SLC5A8: variants seen among roughly 807,000 people sequenced by gnomAD.
SLC5A8 encodes sodium-coupled monocarboxylate transporter 1.
In SLC5A8, 55 loss-of-function variants were observed where a neutral mutation model predicts 71.9. The observed-to-expected ratio is 0.77, with a 90% CI of 0.62 to 0.96. SLC5A8 has a LOEUF of 0.96. Ranked by LOEUF, SLC5A8 falls within the 40% of genes least tolerant of loss-of-function variation. The pLI is 0.00. For missense variants in SLC5A8, 701 were observed against 745.3 expected (o/e 0.94, Z 0.69); for synonymous variants, 307 against 276.1 (o/e 1.11, Z -1.11).
At chr12:101,179,639 G>A (rs544897037) in intron 10 of SLC5A8, among the ~76,000 whole-genome samples, 1 of 152,248 alleles carries the variant, frequency 6.6e-6, no homozygotes, top group Admixed American at 6.5e-5. Flanking sequence ...AGGGAGTAGG[G>A]GCAGAAGGGA....
intron 1 of SLC5A8, 151 bp downstream of exon 1, chr12:101,209,347 G>A (rs1431026011): frequency 6.3e-6 from 4 of 636,278 alleles, no homozygotes; most frequent in African/African-American, 5.5e-5. Flanking sequence ...ATCGGGGGAC[G>A]GGGAGGAGTG....
intron 10 of SLC5A8, among the ~76,000 whole-genome samples, chr12:101,173,508 CA>C (rs1206744779): frequency 1.3e-5 from 2 of 152,178 alleles, no homozygotes; most frequent in Non-Finnish European, 2.9e-5. Flanking sequence ...CTGGATCGAC[CA>C]GGCAGAATGA....
At chr12:101,176,689 A>G (rs182738050) in intron 10 of SLC5A8, among the ~76,000 whole-genome samples, 338 of 152,208 alleles carry the variant, frequency 2.2e-3, no homozygotes, top group Non-Finnish European at 3.6e-3. Flanking sequence ...TAAATAATCC[A>G]TAAATCAAAA....
At chr12:101,174,182 T>A (rs990443628) in intron 10 of SLC5A8, among the ~76,000 whole-genome samples, 2 of 152,202 alleles carry the variant, frequency 1.3e-5, no homozygotes, top group Admixed American at 6.5e-5. Context: ...GTGCCATTAC[T>A]TACTTGCTCA....
At chr12:101,177,310 G>T (rs1168779202) in intron 10 of SLC5A8, among the ~76,000 whole-genome samples, 1 of 151,896 alleles carries the variant, frequency 6.6e-6, no homozygotes, top group Admixed American at 6.6e-5. Context: ...TTTCCCTAGA[G>T]AATTCTACCA....
intron 1 of SLC5A8, 111 bp downstream of exon 1, chr12:101,209,387 G>T: frequency 2.6e-6 from 2 of 759,696 alleles, no homozygotes; most frequent in Non-Finnish European, 2.1e-6. Context: ...GATGGACGGG[G>T]AGAGATTTCG....
In SLC5A8 at chr12:101,190,504, C is replaced by T; in HGVS notation, c.797G>A (p.Arg266Lys). ...GAATCTGCTTTTACAAGAAATATATCTCTGCACCTGGGATTGGTTGACACC... is the reference window on the plus strand; with the variant it reads ...GAATCTGCTTTTACAAGAAATATATTTCTGCACCTGGGATTGGTTGACACC... ...IYGVNQSQVQ[R>K]YISCKSRFQA... Residue 266 changes from arginine (R) to lysine (K), a missense_variant, in exon 6 of 15, where the codon AGA becomes AAA. Physicochemically the swap from Arg to Lys is conservative, Grantham distance 26. Coordinates refer to ENST00000536262, the MANE Select transcript of SLC5A8 (RefSeq NM_145913.5). The T allele has an allele frequency of 1.9e-6, 3 of 1,613,308 alleles. No individual in the cohort carries two copies. The highest frequency in any genetic ancestry group is 2.5e-6 in the Non-Finnish European group (3 of 1,179,756).
chr12:101,209,690 G>T lies in SLC5A8; in HGVS notation c.159C>A (p.Thr53=), dbSNP rs371044625. The change falls in exon 1 of 15, where the codon ACC becomes ACA. Residue 53 remains threonine, a synonymous_variant. Coordinates refer to ENST00000536262, the MANE Select transcript of SLC5A8 (RefSeq NM_145913.5). ...TGAGGGACAGCGCCACGGGCACTGC[G>T]GTCATTCTGCGGCCGCCCATCAGGA... ...KDFLMGGRRM[T]AVPVALSLTA... The T allele has an allele frequency of 1.2e-5, 20 of 1,613,442 alleles. No individual in the cohort carries two copies. Among genetic ancestry groups the T allele is most frequent in the Non-Finnish European group, 1.6e-5 (19 of 1,180,048 alleles).
chr12:101,161,937 G>C (rs751804733), intron 13 of SLC5A8, 37 bp downstream of exon 13: 3 of 1,383,012 alleles, frequency 2.2e-6, no homozygotes, highest in South Asian at 1.2e-5. Flanking sequence ...AACTGATATA[G>C]AGGTAAATAC....
intron 13 of SLC5A8, among the ~76,000 whole-genome samples, chr12:101,161,719 G>C (rs1478200904): frequency 6.6e-6 from 1 of 152,154 alleles, no homozygotes; most frequent in African/African-American, 2.4e-5. Flanking sequence ...TTATACATAA[G>C]AAAGCTGAGG....
At chr12:101,201,504 T>C (rs1417164352) in intron 3 of SLC5A8, among the ~76,000 whole-genome samples, 2 of 152,216 alleles carry the variant, frequency 1.3e-5, no homozygotes, top group Non-Finnish European at 2.9e-5. Flanking sequence ...TCAAAGGGCA[T>C]GGTGTTTCCC....
chr12:101,167,046 C>T (rs1339849019), intron 11 of SLC5A8, among the ~76,000 whole-genome samples: 6 of 151,860 alleles, frequency 4.0e-5, no homozygotes, highest in African/African-American at 1.2e-4. Context: ...CTTCCGTTAC[C>T]GCCCCCAGAA....
At chr12:101,174,225 T>C (rs538534453) in intron 10 of SLC5A8, among the ~76,000 whole-genome samples, 1 of 152,310 alleles carries the variant, frequency 6.6e-6, no homozygotes, top group South Asian at 2.1e-4. Flanking sequence ...CCAGTTGTGT[T>C]CAGAGGTTGT....
At chr12:101,174,740 A>C (rs2051863404) in intron 10 of SLC5A8, among the ~76,000 whole-genome samples, 1 of 152,112 alleles carries the variant, frequency 6.6e-6, no homozygotes, top group South Asian at 2.1e-4. Flanking sequence ...AGTATTCTAC[A>C]CACCCCTATC....
chr12:101,201,734 G>T (rs1421378693), intron 3 of SLC5A8, among the ~76,000 whole-genome samples: 4 of 152,116 alleles, frequency 2.6e-5, no homozygotes, highest in Admixed American at 6.6e-5. Context: ...TTCATTTTGG[G>T]CCTTATTAGA....
Position 101,157,058 on chromosome 12 carries a change from G to A in SLC5A8, c.*221C>T. On this transcript the variant is annotated 3_prime_UTR_variant, in exon 15 of 15. Transcript: ENST00000536262. The stretch of plus-strand genomic sequence containing the variant: ...CAATTATAGCTTCATCGAAATAAAG[G>A]AAAGAGAGGGAAATGTCAATGCCAG... 4.2e-6 allele frequency: 2 copies of A among 477,528 alleles called. No homozygotes were observed. The highest frequency in any genetic ancestry group is 7.3e-6 in the Non-Finnish European group (2 of 273,100). The allele number at this position is 477,528 out of a possible 1,614,324, so 29.6% of individuals were successfully genotyped here. A position where few individuals can be genotyped will look rare whatever the true frequency, so the allele number is the denominator to read the frequency against.
chr12:101,190,393 C>G (rs1391218799), intron 6 of SLC5A8, 75 bp downstream of exon 6: 1 of 1,501,726 alleles, frequency 6.7e-7, no homozygotes, highest in Non-Finnish European at 9.0e-7. Context: ...AGGAGCTAAA[C>G]GTGACTTATG....
chr12:101,195,136 C>T lies in SLC5A8; in HGVS notation c.496G>A (p.Val166Ile), dbSNP rs1267705145. ...QVTGFDLWGAVVATGVVCTFY... is the reference protein window; with the variant it reads ...QVTGFDLWGAIVATGVVCTFY... ...GTGCAGACCACCCCCGTTGCCACTA[C>T]CGCGCCCCACAGATCAAATCCTGTG... Residue 166 changes from valine to isoleucine, a missense_variant, in exon 4 of 15, where the codon GTA (valine) becomes ATA (isoleucine). By Grantham distance (29) the Val-to-Ile change is conservative. Coordinates refer to ENST00000536262, the MANE Select transcript of SLC5A8 (RefSeq NM_145913.5). 1 of 1,614,090 alleles carries T rather than the reference C, an allele frequency of 6.2e-7. No homozygotes were observed. The highest frequency in any genetic ancestry group is 1.1e-5 in the South Asian group (1 of 91,068).
rs193057501 is a variant in SLC5A8 at position 101,185,233 on chromosome 12, G to A, written c.964-1011C>T. On this transcript the variant is annotated intron_variant, in intron 7 of 14. Transcript: ENST00000536262. ...ACTCAATCTTTATTCTCAGAAAAACGGAATAGCATTTATCCCTATATGAGA... is the reference window on the plus strand; with the variant it reads ...ACTCAATCTTTATTCTCAGAAAAACAGAATAGCATTTATCCCTATATGAGA... Among the ~76,000 whole-genome samples, 41 of 152,230 alleles carry A rather than the reference G, an allele frequency of 2.7e-4. No individual in the cohort carries two copies. In the Middle Eastern group the frequency reaches 0.01, roughly 38 times the overall value.
Sources: gnomAD v4.1 joint callset for allele counts (sites outside exome capture counted in the v4.1 genomes callset) on GRCh38, gnomAD v4.1.1 for gene constraint, MANE v1.5 for transcripts, NCBI Gene and HGNC (gene_info 2026-07-23, HGNC 2026-07-21) for gene names.